Variants in APIP observed in about 807,000 individuals in gnomAD.
APIP encodes APAF1 interacting protein.
Under a neutral mutation model 32.0 loss-of-function variants are expected in APIP, and 32 were observed. The observed-to-expected ratio is 1.00, with a 90% CI of 0.76 to 1.34. APIP has a LOEUF of 1.34. APIP is among the 40% of genes most tolerant of loss of function. APIP has a pLI of 0.00. For missense variants in APIP, 247 were observed against 298.6 expected (o/e 0.83, Z 1.27); for synonymous variants, 92 against 94.8 (o/e 0.97, Z 0.17).
chr11:34,885,105 A>G (rs1853042121), intron 5 of APIP, among the ~76,000 whole-genome samples: 1 of 148,480 alleles, frequency 6.7e-6, no homozygotes, highest in African/African-American at 2.5e-5. Flanking sequence ...CATAGTATAC[A>G]TGTATATTAT....
chr11:34,894,638 G>A (rs1853237874), intron 2 of APIP, among the ~76,000 whole-genome samples: 1 of 152,098 alleles, frequency 6.6e-6, no homozygotes, highest in African/African-American at 2.4e-5. Flanking sequence ...GACAGAGCAA[G>A]ACTCTGTTTC....
At chr11:34,902,946 C>A (rs1038838923) in intron 1 of APIP, among the ~76,000 whole-genome samples, 1 of 151,932 alleles carries the variant, frequency 6.6e-6, no homozygotes, top group African/African-American at 2.4e-5. Context: ...CTCTACTGGT[C>A]CCAGAAGCCT....
At chr11:34,909,047 G>C (rs1853500118) in intron 1 of APIP, among the ~76,000 whole-genome samples, 2 of 152,214 alleles carry the variant, frequency 1.3e-5, no homozygotes, top group South Asian at 4.1e-4. Flanking sequence ...GAAAGCAAAA[G>C]CCCAGAAGAG....
intron 2 of APIP, among the ~76,000 whole-genome samples, chr11:34,892,297 T>G (rs543419198): frequency 2.6e-5 from 4 of 152,176 alleles, no homozygotes; most frequent in Non-Finnish European, 5.9e-5. Flanking sequence ...AGAAAGCATT[T>G]TGAATTTCAA....
At chr11:34,898,727 A>C (rs1320652157) in intron 1 of APIP, among the ~76,000 whole-genome samples, 1 of 144,210 alleles carries the variant, frequency 6.9e-6, no homozygotes, top group East Asian at 2.1e-4. Context: ...TGGAGAGTGC[A>C]TGGCATTTCC....
chr11:34,889,730 C>T lies in APIP; in HGVS notation c.207+774G>A, dbSNP rs80255075. Among the ~76,000 whole-genome samples the T allele has an allele frequency of 6.8e-3, 1,038 of 152,102 alleles. 6 individuals are homozygous for T. The highest frequency in any genetic ancestry group is 9.5e-3 in the Non-Finnish European group (644 of 67,966). ...AGCTCCCACTGTAAGTGAGAACATG[C>T]GGTATTTGATTTTTCTGTTCCTGCA... On this transcript the variant is annotated intron_variant, in intron 3 of 6. Transcript: ENST00000395787.
At chr11:34,899,741 G>C (rs1456067167) in intron 1 of APIP, among the ~76,000 whole-genome samples, 1 of 152,212 alleles carries the variant, frequency 6.6e-6, no homozygotes, top group Non-Finnish European at 1.5e-5. Flanking sequence ...TGGTGCCATG[G>C]CTTGGAGGGT....
At chr11:34,901,711 A>C (rs1006238832) in intron 1 of APIP, among the ~76,000 whole-genome samples, 1 of 152,176 alleles carries the variant, frequency 6.6e-6, no homozygotes, top group African/African-American at 2.4e-5. Flanking sequence ...TCTAGCTTGC[A>C]TGGGGGCCAG....
At chr11:34,899,172 A>G (rs765444982) in intron 1 of APIP, among the ~76,000 whole-genome samples, 10 of 152,136 alleles carry the variant, frequency 6.6e-5, no homozygotes, top group Non-Finnish European at 1.5e-4. Flanking sequence ...CCCGGCCTCG[A>G]GCAAATAGTA....
In APIP at chr11:34,906,166, C is replaced by CT. The variant is rs200254087; in HGVS notation, c.57+10061dup. Among the ~76,000 whole-genome samples, 29 of 149,400 alleles carry CT rather than the reference C, an allele frequency of 1.9e-4. No homozygotes were observed. In the East Asian group the frequency reaches 2.1e-3, roughly 11 times the overall value. On this transcript the variant is annotated intron_variant, in intron 1 of 6. Coordinates refer to ENST00000395787, the MANE Select transcript of APIP (RefSeq NM_015957.4). The stretch of plus-strand genomic sequence containing the variant: ...ACTGTCTCTTCAAGGAACAGGGCTA[C>CT]TTTTTTTTTTGTGGCTCCTGGATAC...
intron 2 of APIP, among the ~76,000 whole-genome samples, chr11:34,891,775 A>G (rs543844830): frequency 6.6e-6 from 1 of 152,338 alleles, no homozygotes; most frequent in African/African-American, 2.4e-5. Context: ...TAAGGATAAC[A>G]TAAAGGGACA....
chr11:34,903,317 A>G (rs1853396081), intron 1 of APIP, among the ~76,000 whole-genome samples: 1 of 152,226 alleles, frequency 6.6e-6, no homozygotes, highest in Non-Finnish European at 1.5e-5. Context: ...GAGTATGCAT[A>G]TGCAATGGTC....
At chr11:34,883,546 C>T in intron 5 of APIP, 42 bp from the exon 6 acceptor site, 1 of 1,594,654 alleles carries the variant, frequency 6.3e-7, no homozygotes, top group Non-Finnish European at 8.6e-7. Context: ...TAAAACAAAT[C>T]AAGCATTGAT....
At chr11:34,908,468 T>C (rs1324056808) in intron 1 of APIP, among the ~76,000 whole-genome samples, 1 of 152,232 alleles carries the variant, frequency 6.6e-6, no homozygotes. Flanking sequence ...TGTCTCTCTA[T>C]GCATCTTGGT....
chr11:34,913,586 TA>T (rs1853594507), intron 1 of APIP, among the ~76,000 whole-genome samples: 1 of 152,178 alleles, frequency 6.6e-6, no homozygotes, highest in Non-Finnish European at 1.5e-5. Context: ...CAGGGAGTGT[TA>T]CAGCTCATAA....
At chr11:34,908,976 T>A (rs1853498812) in intron 1 of APIP, among the ~76,000 whole-genome samples, 1 of 151,944 alleles carries the variant, frequency 6.6e-6, no homozygotes, top group African/African-American at 2.4e-5. Flanking sequence ...GTGATAAGAG[T>A]CTGTTTTGGA....
intron 1 of APIP, among the ~76,000 whole-genome samples, chr11:34,909,925 G>C (rs1275288825): frequency 1.3e-5 from 2 of 152,176 alleles, no homozygotes; most frequent in Non-Finnish European, 2.9e-5. Context: ...GGAAGGTGAG[G>C]AAGTTCATTA....
intron 3 of APIP, among the ~76,000 whole-genome samples, chr11:34,889,657 C>T (rs1336196603): frequency 6.6e-6 from 1 of 152,142 alleles, no homozygotes; most frequent in East Asian, 1.9e-4. Context: ...TCCAGTAGGT[C>T]CCAGTGTGTA....
At chr11:34,916,116 C>G in intron 1 of APIP, 112 bp downstream of exon 1, 2 of 1,422,142 alleles carry the variant, frequency 1.4e-6, no homozygotes, top group Non-Finnish European at 1.9e-6. Flanking sequence ...GGCCCGAAAC[C>G]CCGCCCCGCA....
Sources: gnomAD v4.1 joint callset for allele counts (sites outside exome capture counted in the v4.1 genomes callset) on GRCh38, gnomAD v4.1.1 for gene constraint, MANE v1.5 for transcripts, NCBI Gene and HGNC (gene_info 2026-07-23, HGNC 2026-07-21) for gene names.